The following RAPGEF5 variants were observed in gnomAD, a reference collection of about 807,000 sequenced individuals.
RAPGEF5 encodes M-Ras-regulated GEF.
RAPGEF5 carries 65 observed loss-of-function variants against 125.2 expected under a neutral mutation model. The ratio of observed to expected loss-of-function variants is 0.52; its 90% CI spans 0.43 to 0.64. RAPGEF5 has a LOEUF of 0.64. Ranked by LOEUF, RAPGEF5 falls within the 30% of genes least tolerant of loss-of-function variation. The pLI is 0.00. For missense variants in RAPGEF5, 958 were observed against 1,048.1 expected, an observed-to-expected ratio of 0.91 and a Z score of 1.19; for synonymous variants, 391 against 385.9, an observed-to-expected ratio of 1.01 and a Z score of -0.16.
At chr7:22,193,509 G>A in intron 10 of RAPGEF5, 54 bp from the exon 11 acceptor site, 1 of 1,555,946 alleles carries the variant, frequency 6.4e-7, no homozygotes, top group Non-Finnish European at 8.7e-7. Flanking sequence ...ACTGCGAGCG[G>A]CTGCTCCATT....
At chr7:22,326,230 T>C (rs1783811681) in intron 1 of RAPGEF5, among the ~76,000 whole-genome samples, 1 of 152,190 alleles carries the variant, frequency 6.6e-6, no homozygotes, top group Admixed American at 6.5e-5. Context: ...TCAACTAGGA[T>C]ATATGAAGAG....
At chr7:22,262,361 G>A (rs1263446767) in intron 7 of RAPGEF5, among the ~76,000 whole-genome samples, 4 of 151,860 alleles carry the variant, frequency 2.6e-5, no homozygotes, top group Non-Finnish European at 5.9e-5. Context: ...ATGACGAAAA[G>A]GTATCACTAT....
intron 25 of RAPGEF5, among the ~76,000 whole-genome samples, chr7:22,124,813 C>G (rs1376549830): frequency 6.6e-6 from 1 of 152,032 alleles, no homozygotes; most frequent in South Asian, 2.1e-4. Flanking sequence ...AAAGAGAGGG[C>G]GAGGAGGTAA....
At chr7:22,194,946 G>A (rs1004277448) in intron 9 of RAPGEF5, among the ~76,000 whole-genome samples, 2 of 152,176 alleles carry the variant, frequency 1.3e-5, no homozygotes, top group Admixed American at 6.5e-5. Flanking sequence ...GTAAGCGTAC[G>A]GTAGCCCGGG....
intron 7 of RAPGEF5, 35 bp downstream of exon 7, chr7:22,266,929 A>G (rs1782296726): frequency 6.4e-7 from 1 of 1,572,912 alleles, no homozygotes; most frequent in African/African-American, 1.4e-5. Flanking sequence ...CCAAAGAATT[A>G]GAATCTTCCT....
rs139624680 is a variant in RAPGEF5 at position 22,230,390 on chromosome 7, C to A, written c.870+456G>T. Among the ~76,000 whole-genome samples, 128 of 152,318 alleles carry A rather than the reference C, an allele frequency of 8.4e-4. 1 individual carries two copies. Among genetic ancestry groups the A allele is most frequent in the African/African-American group, 2.8e-3 (115 of 41,572 alleles). ...TAAGTCAGAATTTTAAAATGCTCCA[C>A]TGTTATATAAAGTTAACAGCTGGCA... is the stretch of plus-strand genomic sequence containing the variant. On this transcript the variant is annotated intron_variant, in intron 8 of 25. Coordinates refer to ENST00000665637, the MANE Select transcript of RAPGEF5 (RefSeq NM_012294.5).
chr7:22,241,810 G>A (rs1786338873), intron 7 of RAPGEF5, among the ~76,000 whole-genome samples: 1 of 152,160 alleles, frequency 6.6e-6, no homozygotes, highest in African/African-American at 2.4e-5. Context: ...TAAAAACAAA[G>A]TCATTAATAT....
chr7:22,299,138 G>T (rs989961063), intron 5 of RAPGEF5, among the ~76,000 whole-genome samples: 1 of 148,386 alleles, frequency 6.7e-6, no homozygotes, highest in East Asian at 2.0e-4. Flanking sequence ...TTTTTCTTTG[G>T]CTAGCTTTCT....
At chr7:22,321,108 A>G (rs1474679471) in intron 1 of RAPGEF5, among the ~76,000 whole-genome samples, 1 of 152,252 alleles carries the variant, frequency 6.6e-6, no homozygotes, top group African/African-American at 2.4e-5. Flanking sequence ...ACATAAATGA[A>G]AATAGATTTT....
chr7:22,137,681 C>T (rs1783120698), intron 21 of RAPGEF5, among the ~76,000 whole-genome samples: 1 of 152,184 alleles, frequency 6.6e-6, no homozygotes, highest in African/African-American at 2.4e-5. Context: ...TGAGTTTGAA[C>T]TCTGACTCTG....
chr7:22,257,966 A>G (rs1261534867), intron 7 of RAPGEF5, among the ~76,000 whole-genome samples: 5 of 152,216 alleles, frequency 3.3e-5, no homozygotes, highest in African/African-American at 1.2e-4. Context: ...ATAATATGGG[A>G]AAAAAGGAAT....
rs1362543811 is a variant in RAPGEF5, at chr7:22,215,467, C to T, written c.996+4399G>A. ...CTCTTGGGATTCTCTTCACTGCTTC[C>T]TTGTATCTCAGTTAGTTGTGTTGAT... On this transcript the variant is annotated intron_variant, in intron 9 of 25. Transcript: ENST00000665637. Among the ~76,000 whole-genome samples, 3 of 152,142 alleles carry T rather than the reference C, an allele frequency of 2.0e-5. No individual in the cohort carries two copies. The East Asian group carries it at 5.8e-4, about 29-fold the overall frequency.
chr7:22,201,158 G>A (rs1785268401), intron 9 of RAPGEF5, among the ~76,000 whole-genome samples: 1 of 152,222 alleles, frequency 6.6e-6, no homozygotes, highest in Non-Finnish European at 1.5e-5. Context: ...CCCTTTGGGA[G>A]CTGGAGGCAT....
intron 1 of RAPGEF5, among the ~76,000 whole-genome samples, chr7:22,350,388 A>G (rs937395764): frequency 2.0e-5 from 3 of 152,244 alleles, no homozygotes; most frequent in African/African-American, 7.2e-5. Context: ...TGCATATGAA[A>G]GCAAAAATGT....
At chr7:22,219,731 G>C (rs1165821203) in intron 9 of RAPGEF5, 135 bp downstream of exon 9, 9 of 1,203,902 alleles carry the variant, frequency 7.5e-6, no homozygotes, top group South Asian at 4.2e-5. Flanking sequence ...TTACTAAGGA[G>C]GATGCTCTTG....
intron 7 of RAPGEF5, among the ~76,000 whole-genome samples, chr7:22,233,783 T>C (rs566028152): frequency 6.6e-5 from 10 of 152,302 alleles, no homozygotes; most frequent in South Asian, 2.1e-4. Flanking sequence ...AAAGCAAACC[T>C]AGGATAAAGT....
At chr7:22,172,441 C>A (rs1275287135) in intron 11 of RAPGEF5, among the ~76,000 whole-genome samples, 1 of 151,980 alleles carries the variant, frequency 6.6e-6, no homozygotes, top group Non-Finnish European at 1.5e-5. Context: ...ATTTTTAGGT[C>A]ATATAAAAAT....
At chr7:22,256,618 G>A (rs926116488) in intron 7 of RAPGEF5, among the ~76,000 whole-genome samples, 2 of 152,178 alleles carry the variant, frequency 1.3e-5, no homozygotes, top group Non-Finnish European at 2.9e-5. Flanking sequence ...AGGACAGAGA[G>A]TGAAATTTAA....
chr7:22,253,562 T>C (rs756289836), intron 7 of RAPGEF5, among the ~76,000 whole-genome samples: 7 of 152,220 alleles, frequency 4.6e-5, no homozygotes, highest in Non-Finnish European at 8.8e-5. Flanking sequence ...ACTCCTCTTA[T>C]AACGTAGCAT....
Sources: gnomAD v4.1 joint callset for allele counts (sites outside exome capture counted in the v4.1 genomes callset) on GRCh38, gnomAD v4.1.1 for gene constraint, MANE v1.5 for transcripts, NCBI Gene and HGNC (gene_info 2026-07-23, HGNC 2026-07-21) for gene names.